KALRN: variants seen among roughly 807,000 people sequenced by gnomAD.
KALRN encodes kalirin.
In KALRN, 70 loss-of-function variants were observed where a neutral mutation model predicts 353.7. That is an observed-to-expected ratio of 0.20 (90% CI 0.16 to 0.24). The LOEUF (loss-of-function observed/expected upper bound fraction) is 0.24, where lower values mean the gene tolerates loss of function less well. Among genes scored for constraint, KALRN ranks in the 10% least tolerant of loss-of-function variants. The pLI, the probability that KALRN is intolerant of heterozygous loss-of-function variation, is 1.00. For synonymous variants in KALRN, 1,391 were observed against 1,434.8 expected (o/e 0.97, Z 0.69); for missense variants, 2,791 against 3,756.7 (o/e 0.74, Z 6.72).
chr3:124,468,350 G>T (rs4678117), intron 25 of KALRN, among the ~76,000 whole-genome samples: 117,945 of 151,872 alleles, frequency 0.78, 47,096 homozygotes, highest in East Asian at 0.93. Context: ...ACAAGGGGGG[G>T]GTTGATCCAT....
intron 30 of KALRN, 149 bp from the exon 31 acceptor site, chr3:124,491,174 G>A (rs1243357543): frequency 1.7e-6 from 1 of 583,248 alleles, no homozygotes; most frequent in Non-Finnish European, 3.0e-6. Context: ...CTGGGTAGAT[G>A]AACAGAATAT....
At chr3:124,648,643 G>A (rs1431325239) in intron 37 of KALRN, among the ~76,000 whole-genome samples, 2 of 152,230 alleles carry the variant, frequency 1.3e-5, no homozygotes, top group African/African-American at 4.8e-5. Context: ...TTGTTTCCCA[G>A]GCGTTGCAGT....
At chr3:124,383,453 C>CT (rs1465717332) in intron 10 of KALRN, among the ~76,000 whole-genome samples, 1 of 152,178 alleles carries the variant, frequency 6.6e-6, no homozygotes, top group Admixed American at 6.5e-5. Context: ...TACCCTGTGC[C>CT]TTTTTCTCAA....
chr3:124,473,274 T>C (rs1425611485), intron 25 of KALRN, among the ~76,000 whole-genome samples: 1 of 152,228 alleles, frequency 6.6e-6, no homozygotes, highest in Non-Finnish European at 1.5e-5. Context: ...TTTCCCTCTA[T>C]GGTACAGGTA....
At chr3:124,056,494 C>T (rs1025712715) in intron 1 of KALRN, among the ~76,000 whole-genome samples, 3 of 152,202 alleles carry the variant, frequency 2.0e-5, no homozygotes, top group African/African-American at 7.2e-5. Context: ...AGTTTCTTCA[C>T]TATAAAGTGA....
intron 37 of KALRN, among the ~76,000 whole-genome samples, chr3:124,645,646 C>G (rs886212466): frequency 1.8e-5 from 2 of 108,582 alleles, no homozygotes; most frequent in East Asian, 6.8e-4. Context: ...CTCTCTCTCT[C>G]TCTCTCTCTC....
chr3:124,585,962 A>G (rs1351359388), intron 34 of KALRN, among the ~76,000 whole-genome samples: 1 of 152,244 alleles, frequency 6.6e-6, no homozygotes, highest in African/African-American at 2.4e-5. Context: ...CCACAAACAC[A>G]CAACATAGCC....
chr3:124,530,945 G>A (rs985523796), intron 33 of KALRN, among the ~76,000 whole-genome samples: 25 of 152,138 alleles, frequency 1.6e-4, no homozygotes, highest in African/African-American at 6.0e-4. Context: ...AAATGTTGGT[G>A]GATTTAAACA....
chr3:124,358,764 T>G (rs1327835770), intron 10 of KALRN, among the ~76,000 whole-genome samples: 1 of 152,202 alleles, frequency 6.6e-6, no homozygotes, highest in Non-Finnish European at 1.5e-5. Context: ...TAATTCTCAT[T>G]TATAGATAGG....
chr3:124,692,343 C>G (rs930874420), intron 51 of KALRN, among the ~76,000 whole-genome samples: 1 of 152,194 alleles, frequency 6.6e-6, no homozygotes, highest in Non-Finnish European at 1.5e-5. Context: ...TTTTAGAAAA[C>G]CTGGGTGGTA....
rs142999586 is a variant in KALRN, at chr3:124,342,117, G to A, written c.1648-5026G>A. 9.2e-5 allele frequency among the ~76,000 whole-genome samples: 14 copies of A among 151,744 alleles called. No homozygotes were observed. In the East Asian group the frequency reaches 1.4e-3, roughly 15 times the overall value. On this transcript the variant is annotated intron_variant, in intron 9 of 59. Transcript: ENST00000682506. The stretch of plus-strand genomic sequence containing the variant: ...TGGTGAAAAGCCCTTTTGAGAATTC[G>A]TGGGTTAATTTCATTTAAGTCTGAG...
intron 34 of KALRN, among the ~76,000 whole-genome samples, chr3:124,582,113 C>T (rs888537926): frequency 1.4e-4 from 21 of 151,622 alleles, no homozygotes; most frequent in African/African-American, 2.7e-4. Context: ...CTCCGCCTTC[C>T]GGGTTCAAGC....
intron 10 of KALRN, among the ~76,000 whole-genome samples, chr3:124,370,706 ATCTCCAT>A (rs1026456431): frequency 6.6e-6 from 1 of 152,178 alleles, no homozygotes; most frequent in African/African-American, 2.4e-5. Flanking sequence ...CTTGTTTAAA[ATCTCCAT>A]TAAAAACTCT....
intron 34 of KALRN, among the ~76,000 whole-genome samples, chr3:124,613,341 C>T (rs2078214450): frequency 6.6e-6 from 1 of 152,208 alleles, no homozygotes; most frequent in Non-Finnish European, 1.5e-5. Flanking sequence ...AGCTTTGACT[C>T]TTGCCCTAGG....
At chr3:124,212,316 T>TAAAA (rs879400421) in intron 1 of KALRN, among the ~76,000 whole-genome samples, 1 of 145,904 alleles carries the variant, frequency 6.9e-6, no homozygotes, top group African/African-American at 2.5e-5. Context: ...TTCAGAAGGT[T>TAAAA]AAAAAAAAAA....
chr3:124,168,023 G>C (rs563692020), intron 1 of KALRN, among the ~76,000 whole-genome samples: 1 of 152,314 alleles, frequency 6.6e-6, no homozygotes, highest in South Asian at 2.1e-4. Flanking sequence ...CTAAGGCTGA[G>C]TGATTCTGTG....
intron 1 of KALRN, among the ~76,000 whole-genome samples, chr3:124,187,274 G>T (rs1262835859): frequency 2.6e-5 from 4 of 152,050 alleles, no homozygotes; most frequent in Non-Finnish European, 5.9e-5. Context: ...AGAGGCGGGG[G>T]TTTCGCCATT....
intron 10 of KALRN, among the ~76,000 whole-genome samples, chr3:124,379,503 A>G (rs563949483): frequency 1.3e-5 from 2 of 152,168 alleles, no homozygotes; most frequent in Non-Finnish European, 2.9e-5. Flanking sequence ...CTGAGACACA[A>G]TAAAGTTACA....
At chr3:124,544,736 T>A (rs975758047) in intron 33 of KALRN, among the ~76,000 whole-genome samples, 24 of 152,276 alleles carry the variant, frequency 1.6e-4, no homozygotes, top group Middle Eastern at 3.4e-3. Flanking sequence ...CAAAAGTGTT[T>A]GTTGTGTTCA....
Sources: gnomAD v4.1 joint callset for allele counts (sites outside exome capture counted in the v4.1 genomes callset) on GRCh38, gnomAD v4.1.1 for gene constraint, MANE v1.5 for transcripts, NCBI Gene and HGNC (gene_info 2026-07-23, HGNC 2026-07-21) for gene names.